Variants in EPN3 observed in about 807,000 individuals in gnomAD.
EPN3 encodes epsin-3.
EPN3 carries 56 observed loss-of-function variants against 55.5 expected under a neutral mutation model. The observed-to-expected ratio is 1.01, with a 90% CI of 0.81 to 1.26. EPN3 has a LOEUF of 1.26. Among genes scored for constraint, EPN3 ranks in the 50% most tolerant of loss-of-function variants. EPN3 has a pLI of 0.00. For synonymous variants in EPN3, 449 were observed against 375.2 expected (o/e 1.20, Z -2.27); for missense variants, 927 against 853.4 (o/e 1.09, Z -1.07).
chr17:50,542,048 G>A lies in EPN3; in HGVS notation c.1790G>A (p.Ser597Asn), dbSNP rs772743760. 8.2e-6 allele frequency: 13 copies of A among 1,594,360 alleles called. No homozygotes were observed. In the South Asian group the frequency reaches 1.3e-4, roughly 16 times the overall value. Residue 597 changes from serine to asparagine, a missense_variant, in exon 10 of 10, where the codon AGC becomes AAC. Ser to Asn is a conservative substitution (Grantham distance 46). Coordinates refer to ENST00000268933, the MANE Select transcript of EPN3 (RefSeq NM_017957.3). ...GGCTTGACCCTCCCCGCCTCGGTTA[G>A]CGTCTTCCCGCAGGCCGGAGCCTTC... ...PAGLTLPASV[S>N]VFPQAGAFAP...
chr17:50,537,514 T>C (rs933685915), intron 2 of EPN3: 1 of 246,522 alleles, frequency 4.1e-6, no homozygotes, highest in East Asian at 1.0e-4. Flanking sequence ...GAGAATGAAA[T>C]GAGACCAGGT....
At position 50,538,987 on chromosome 17, in the gene EPN3, C is replaced by A. The variant is rs781230709; in HGVS notation, c.762+23C>A. On this transcript the variant is annotated intron_variant, in intron 4 of 9. Transcript: ENST00000268933. ...AAGGTAGTGGGCCGAGCCCGCTGGG[C>A]TGCCGGTGCTGCTGCTGCTGCTGGT... 7 of 1,577,920 alleles carry A rather than the reference C, an allele frequency of 4.4e-6. No homozygotes were observed. The South Asian group carries it at 4.6e-5, about 10-fold the overall frequency.
Position 50,536,572 on chromosome 17 carries a change from C to G in EPN3, c.16C>G (p.Leu6Val). 1 of 1,613,956 alleles carries G rather than the reference C, an allele frequency of 6.2e-7. No individual in the cohort carries two copies. The highest frequency in any genetic ancestry group is 8.5e-7 in the Non-Finnish European group (1 of 1,180,026). The change falls in exon 2 of 10, where the codon CTC (leucine) becomes GTC (valine). Residue 6 changes from leucine to valine, a missense_variant. Transcript: ENST00000268933. Reference sequence around the variant, plus strand: ...GTCTCCAGCCATGACGACCTCCGCACTCCGGCGCCAGGTGAAGAACATCGT... The same window carrying G: ...GTCTCCAGCCATGACGACCTCCGCAGTCCGGCGCCAGGTGAAGAACATCGT... MTTSALRRQVKNIVHN... is the reference protein window; with the variant it reads MTTSAVRRQVKNIVHN...
chr17:50,536,840 A>G lies in EPN3; in HGVS notation c.284A>G (p.Gln95Arg). The change falls in exon 2 of 10, where the codon CAG becomes CGG. Residue 95 changes from glutamine to arginine, a missense_variant. Physicochemically the swap from Gln to Arg is conservative, Grantham distance 43. Coordinates refer to ENST00000268933, the MANE Select transcript of EPN3 (RefSeq NM_017957.3). ...ACGGGCTCCGAGCGGGTGGCCCACC[A>G]GTGCCGCGAGAACCTCTACACCATC... ...LKTGSERVAH[Q>R]CRENLYTIQT... 1.9e-6 allele frequency: 3 copies of G among 1,614,110 alleles called. No individual in the cohort carries two copies. Among genetic ancestry groups the G allele is most frequent in the Non-Finnish European group, 2.5e-6 (3 of 1,180,036 alleles).
At chr17:50,538,470 TG>T in intron 3 of EPN3, 1 of 508,814 alleles carries the variant, frequency 2.0e-6, no homozygotes, top group Non-Finnish European at 3.5e-6. Context: ...CATGGTGGAG[TG>T]GGTGAGTGTG....
Position 50,536,706 on chromosome 17 carries a change from A to G in EPN3, c.150A>G (p.Thr50=), listed in dbSNP as rs2034768068. Residue 50 remains threonine, a synonymous_variant, in exon 2 of 10, where the codon ACA becomes ACG. Transcript: ENST00000268933. ...MSEIADLTFN[T]VAFTEVMGML... is the part of the protein sequence containing the mutation. ...AGATCGCTGACCTGACCTTCAACACAGTGGCCTTCACCGAAGTCATGGGCA... is the reference window on the plus strand; with the variant it reads ...AGATCGCTGACCTGACCTTCAACACGGTGGCCTTCACCGAAGTCATGGGCA... 5.6e-6 allele frequency: 9 copies of G among 1,614,104 alleles called. No individual in the cohort carries two copies. The highest frequency in any genetic ancestry group is 6.8e-6 in the Non-Finnish European group (8 of 1,180,030).
chr17:50,540,705 C>T, intron 6 of EPN3, 88 bp from the exon 7 acceptor site: 2 of 1,488,820 alleles, frequency 1.3e-6, no homozygotes, highest in South Asian at 2.7e-5. Context: ...GATCTTCTGC[C>T]TCCCAACTTG....
rs1378928084 is a variant in EPN3 at position 50,541,330 on chromosome 17, G to C, written c.1351G>C (p.Val451Leu). ...ALPSGKPSSP[V>L]ELDLFGDPSP... Reference sequence around the variant, plus strand: ...GCCCTCTGGGAAGCCCAGCAGCCCTGTGGGTGAGCAGGGCAAGGGGATGGT... The same window carrying C: ...GCCCTCTGGGAAGCCCAGCAGCCCTCTGGGTGAGCAGGGCAAGGGGATGGT... The change falls in exon 8 of 10, where the codon GTG becomes CTG. Residue 451 changes from valine to leucine, a missense_variant. Transcript: ENST00000268933. The C allele has an allele frequency of 6.2e-7, 1 of 1,611,848 alleles. No individual in the cohort carries two copies. Among genetic ancestry groups the C allele is most frequent in the Non-Finnish European group, 8.5e-7 (1 of 1,179,932 alleles).
rs1476913173 is a variant in EPN3, at chr17:50,541,539, G to C, written c.1430G>C (p.Gly477Ala). 4 of 1,614,070 alleles carry C rather than the reference G, an allele frequency of 2.5e-6. No individual in the cohort carries two copies. The African/African-American group carries it at 5.3e-5, about 22-fold the overall frequency. Residue 477 changes from glycine (G) to alanine (A), a missense_variant, in exon 9 of 10, where the codon GGC (glycine) becomes GCC (alanine). By Grantham distance (60) the Gly-to-Ala change is moderately conservative. Coordinates refer to ENST00000268933, the MANE Select transcript of EPN3 (RefSeq NM_017957.3). ...GTKEPDALDL[G>A]ILGEALTQPS... ...AAGGAGCCAGATGCCCTGGACCTGG[G>C]CATACTAGGGGAAGCACTAACCCAG...
intron 1 of EPN3, among the ~76,000 whole-genome samples, chr17:50,533,664 G>T (rs2034712557): frequency 1.3e-5 from 2 of 152,116 alleles, no homozygotes; most frequent in African/African-American, 4.8e-5. Context: ...CATCCTGCAG[G>T]CCCTGAGAAG....
At chr17:50,538,350 C>T (rs78448648) in intron 3 of EPN3, 153 bp downstream of exon 3, 15,195 of 618,810 alleles carry the variant, frequency 0.025, 513 homozygotes, top group Admixed American at 0.13. Context: ...GTCGGTTTGT[C>T]GCAGGCAGGG....
chr17:50,536,589 G>T lies in EPN3; in HGVS notation c.33G>T (p.Lys11Asn), dbSNP rs1259281727. 1.2e-6 allele frequency: 2 copies of T among 1,614,030 alleles called. No individual in the cohort carries two copies. Among genetic ancestry groups the T allele is most frequent in the Admixed American group, 3.3e-5 (2 of 60,026 alleles). Residue 11 changes from lysine to asparagine, a missense_variant, in exon 2 of 10, where the codon AAG (lysine) becomes AAT (asparagine). Physicochemically the swap from Lys to Asn is moderately conservative, Grantham distance 94 (BLOSUM62 0). Transcript: ENST00000268933. The part of the protein sequence containing the change: MTTSALRRQV[K>N]NIVHNYSEAE... ...CCTCCGCACTCCGGCGCCAGGTGAA[G>T]AACATCGTGCACAACTACTCCGAGG...
intron 6 of EPN3, 63 bp downstream of exon 6, chr17:50,540,397 C>G: frequency 8.2e-6 from 12 of 1,462,816 alleles, no homozygotes; most frequent in Non-Finnish European, 1.1e-5. Flanking sequence ...TTCCCAGCCA[C>G]TTGCTGGGCC....
rs1356689022 is a variant in EPN3 at position 50,542,783 on chromosome 17, T to C, written c.*626T>C. The C allele has an allele frequency of 6.6e-6, 1 of 152,198 alleles. No individual in the cohort carries two copies. The highest frequency in any genetic ancestry group is 2.4e-5 in the African/African-American group (1 of 41,440). 9.4% of individuals were successfully genotyped at this position (152,198 alleles called of 1,614,324 possible). A position where few individuals can be genotyped will look rare whatever the true frequency, so the allele number is the denominator to read the frequency against. ...TGTGGGGCTCAATACAAAATAAAAA[T>C]GTAGGGGCTCCTTGTTCAAAATCGT... On this transcript the variant is annotated 3_prime_UTR_variant, in exon 10 of 10. Transcript: ENST00000268933.
Position 50,539,322 on chromosome 17 carries a change from A to G in EPN3, c.891+7A>G, listed in dbSNP as rs749119541. The stretch of plus-strand genomic sequence containing the variant: ...GAAGCTAAAAACCAGCCAGGTAGGG[A>G]GTGGGCTGCGGTGCTTGGGATGGAC... On this transcript the variant is annotated splice_region_variant and intron_variant, in intron 5 of 9. Transcript: ENST00000268933. 2.5e-6 allele frequency: 4 copies of G among 1,613,836 alleles called. No homozygotes were observed. The African/African-American group carries it at 5.3e-5, about 22-fold the overall frequency.
At position 50,541,837 on chromosome 17, in the gene EPN3, T is replaced by A; in HGVS notation, c.1586-7T>A. ...CCGGGTCACTCAAAGCCACTCTCGT[T>A]CTGCAGGTCTCAGCGCTCCGTCCCC... On this transcript the variant is annotated splice_region_variant and splice_polypyrimidine_tract_variant and intron_variant, in intron 9 of 9. Coordinates refer to ENST00000268933, the MANE Select transcript of EPN3 (RefSeq NM_017957.3). 1 of 1,610,794 alleles carries A rather than the reference T, an allele frequency of 6.2e-7. No homozygotes were observed. Among genetic ancestry groups the A allele is most frequent in the Non-Finnish European group, 8.5e-7 (1 of 1,179,988 alleles).
At chr17:50,535,183 G>T (rs1436311859) in intron 1 of EPN3, among the ~76,000 whole-genome samples, 1 of 152,214 alleles carries the variant, frequency 6.6e-6, no homozygotes, top group Non-Finnish European at 1.5e-5. Flanking sequence ...GCGTTTTGGG[G>T]CTTTGGAGAA....
rs965830585 is a variant in EPN3, at chr17:50,540,896, G to A, written c.1083G>A (p.Trp361Ter). 1 of 1,614,176 alleles carries A rather than the reference G, an allele frequency of 6.2e-7. No homozygotes were observed. Among genetic ancestry groups the A allele is most frequent in the South Asian group, 1.1e-5 (1 of 91,082 alleles). The stretch of plus-strand genomic sequence containing the variant: ...CCGTCCTGTCCCGAAGCCAGCCCTG[G>A]GATCTGACTCCCATGCTCTCCTCCT... ...SGTVLSRSQP[W>*]DLTPMLSSSE... Residue 361 changes from tryptophan (W) to a stop codon, truncating the protein, a stop_gained, in exon 7 of 10, where the codon TGG (tryptophan) becomes TGA (stop). Transcript: ENST00000268933. LOFTEE classifies it high-confidence loss of function.
chr17:50,536,091 A>G (rs1228129966), intron 1 of EPN3: 1 of 184,780 alleles, frequency 5.4e-6, no homozygotes, highest in East Asian at 1.4e-4. Flanking sequence ...TACTGGCCTC[A>G]AGTGATCCTC....
Sources: allele counts gnomAD v4.1 joint callset (sites outside exome capture counted in the v4.1 genomes callset), GRCh38; gene constraint gnomAD v4.1.1; transcripts MANE v1.5; gene names NCBI Gene and HGNC (gene_info 2026-07-23, HGNC 2026-07-21).